ARHGEF1: variants seen among roughly 807,000 people sequenced by gnomAD.
ARHGEF1 encodes Rho guanine nucleotide exchange factor 1, also known as 115 kDa guanine nucleotide exchange factor.
ARHGEF1 carries 40 observed loss-of-function variants against 119.7 expected under a neutral mutation model. The observed-to-expected ratio is 0.33, with a 90% confidence interval of 0.26 to 0.44. The LOEUF (loss-of-function observed/expected upper bound fraction) is 0.44, where lower values mean the gene tolerates loss of function less well. Among genes scored for constraint, ARHGEF1 ranks in the 20% least tolerant of loss-of-function variants. ARHGEF1 has a pLI of 1.00. For missense variants in ARHGEF1, 976 were observed against 1,268.3 expected (o/e 0.77, Z 3.50); for synonymous variants, 494 against 521.0 (o/e 0.95, Z 0.71).
intron 12 of ARHGEF1, among the ~76,000 whole-genome samples, chr19:41,895,687 G>C (rs1052873374): frequency 6.6e-6 from 1 of 152,050 alleles, no homozygotes; most frequent in African/African-American, 2.4e-5. Flanking sequence ...CCACAGCTTT[G>C]CTCCCAGGCT....
intron 1 of ARHGEF1, among the ~76,000 whole-genome samples, chr19:41,927,780 C>G (rs1415569770): frequency 6.6e-6 from 1 of 152,158 alleles, no homozygotes; most frequent in Non-Finnish European, 1.5e-5. Context: ...CTCTCACTCG[C>G]TCTCCCTCCC....
At chr19:41,929,675 G>C (rs542276331) in exon 3 of ARHGEF1, 1 of 146,768 alleles carries the variant, frequency 6.8e-6, no homozygotes, top group South Asian at 2.1e-4. Flanking sequence ...GCCCCGCCAA[G>C]TCCCACACCA....
In ARHGEF1 at chr19:41,903,921, T is replaced by C. The variant is rs2074646849; in HGVS notation, c.1918-114T>C. On this transcript the variant is annotated intron_variant, in intron 20 of 28. Transcript: ENST00000354532. This position sits in a 1 kb window ranked among gnomAD's most constrained non-coding sequence, Gnocchi z 4.2. The stretch of plus-strand genomic sequence containing the variant: ...AGCTCTGTCCCCCACCTCATGCCAA[T>C]CCCATGATCCCCAGCCTGTGGTCAT... The C allele has an allele frequency of 7.4e-7, 1 of 1,353,268 alleles. No homozygotes were observed. Among genetic ancestry groups the C allele is most frequent in the Non-Finnish European group, 1.0e-6 (1 of 961,494 alleles). The allele number at this position is 1,353,268 out of a possible 1,614,324, so 83.8% of individuals were successfully genotyped here.
At position 41,903,787 on chromosome 19, in the gene ARHGEF1, G is replaced by A. The variant is rs561111395; in HGVS notation, c.1917+3G>A. The A allele has an allele frequency of 9.9e-6, 16 of 1,612,914 alleles. No homozygotes were observed. The South Asian group carries it at 1.3e-4, about 13-fold the overall frequency. On this transcript the variant is annotated splice_donor_region_variant and intron_variant, in intron 20 of 28. Coordinates refer to ENST00000354532, the MANE Select transcript of ARHGEF1 (RefSeq NM_004706.4). The surrounding 1 kb of genome is among the most constrained non-coding windows in gnomAD (Gnocchi z 4.2). Reference sequence around the variant, plus strand: ...ACCCTATGCTGAGCGAGTTCAAGGTGTGACCATACCCTCCTGCCTCCCCCG... The same window carrying A: ...ACCCTATGCTGAGCGAGTTCAAGGTATGACCATACCCTCCTGCCTCCCCCG...
Position 41,906,386 on chromosome 19 carries a change from G to T in ARHGEF1, c.2492-71G>T. On this transcript the variant is annotated intron_variant, in intron 26 of 28. Transcript: ENST00000354532. The surrounding 1 kb of genome is among the most constrained non-coding windows in gnomAD (Gnocchi z 4.5). ...CCTCCAGCCCCTACACATCCCCTTT[G>T]GAATCCCCCATCCCAGATCCCAGCC... 6.9e-7 allele frequency: 1 copy of T among 1,454,918 alleles called. No individual in the cohort carries two copies. The highest frequency in any genetic ancestry group is 9.2e-7 in the Non-Finnish European group (1 of 1,086,166). 90.1% of individuals were successfully genotyped at this position (1,454,918 alleles called of 1,614,324 possible).
intron 14 of ARHGEF1, 22 bp downstream of exon 14, chr19:41,898,609 C>G (rs2074550806): frequency 6.3e-7 from 1 of 1,577,388 alleles, no homozygotes; most frequent in Non-Finnish European, 8.6e-7. Context: ...CCCCATCACC[C>G]CACTGTGGCC....
At chr19:41,907,581 T>C, downstream of ARHGEF1, 1 of 633,132 alleles carries the variant, frequency 1.6e-6, no homozygotes, top group South Asian at 2.1e-5. Context: ...CATTCATTCA[T>C]TTCTTTGTTT....
At chr19:41,908,345 GTCC>G, downstream of ARHGEF1, 2 of 1,231,474 alleles carry the variant, frequency 1.6e-6, no homozygotes, top group Non-Finnish European at 2.0e-6. This position sits in a 1 kb window ranked among gnomAD's most constrained non-coding sequence, Gnocchi z 6.7. Context: ...CCGAGTCGCT[GTCC>G]TCCTTCCCAC....
chr19:41,908,133 C>T (rs1442052091), downstream of ARHGEF1: 5 of 1,026,112 alleles, frequency 4.9e-6, no homozygotes, highest in Non-Finnish European at 6.2e-6. The surrounding 1 kb of genome is among the most constrained non-coding windows in gnomAD (Gnocchi z 6.7). Flanking sequence ...CTGGGAGGTG[C>T]TGAGGGCTGG....
At chr19:41,909,175 G>C (rs1245390756), downstream of ARHGEF1, 1 of 1,231,782 alleles carries the variant, frequency 8.1e-7, no homozygotes, top group Non-Finnish European at 1.0e-6. This position sits in a 1 kb window ranked among gnomAD's most constrained non-coding sequence, Gnocchi z 5.2. Context: ...GGGTTTGCAG[G>C]GTCTAGAGAG....
In ARHGEF1 at chr19:41,905,325, C is replaced by T; in HGVS notation, c.2336+64C>T. 7.1e-7 allele frequency: 1 copy of T among 1,411,390 alleles called. No homozygotes were observed. The highest frequency in any genetic ancestry group is 1.3e-5 in the South Asian group (1 of 78,652). The allele number at this position is 1,411,390 out of a possible 1,614,324, so 87.4% of individuals were successfully genotyped here. A position where few individuals can be genotyped will look rare whatever the true frequency, so the allele number is the denominator to read the frequency against. ...TGGGGCCGGAAGGCGGGGCAGGCTT[C>T]CCTCCACAACTCCAGAACCGTCTCT... On this transcript the variant is annotated intron_variant, in intron 24 of 28. Transcript: ENST00000354532. This position sits in a 1 kb window ranked among gnomAD's most constrained non-coding sequence, Gnocchi z 6.4.
In ARHGEF1 at chr19:41,904,430, G is replaced by C; in HGVS notation, c.2161+47G>C. 1 of 1,498,792 alleles carries C rather than the reference G, an allele frequency of 6.7e-7. No homozygotes were observed. The highest frequency in any genetic ancestry group is 8.9e-7 in the Non-Finnish European group (1 of 1,123,652). 92.8% of individuals were successfully genotyped at this position (1,498,792 alleles called of 1,614,324 possible). On this transcript the variant is annotated intron_variant, in intron 22 of 28. Coordinates refer to ENST00000354532, the MANE Select transcript of ARHGEF1 (RefSeq NM_004706.4). The surrounding 1 kb of genome is among the most constrained non-coding windows in gnomAD (Gnocchi z 8.4). Reference sequence around the variant, plus strand: ...CCCAGGGCAGAGGGTGTCTTTTTTGGGCAGAGCTGCCTGTGGAGTGGGGAG... The same window carrying C: ...CCCAGGGCAGAGGGTGTCTTTTTTGCGCAGAGCTGCCTGTGGAGTGGGGAG...
intron 1 of ARHGEF1, among the ~76,000 whole-genome samples, chr19:41,924,793 A>G (rs1023316799): frequency 4.6e-5 from 7 of 152,108 alleles, no homozygotes; most frequent in Non-Finnish European, 8.8e-5. Context: ...CCTCGAGGAG[A>G]GAGCTGGTCA....
chr19:41,920,918 CCTCT>C (rs797031699), upstream of ARHGEF1, among the ~76,000 whole-genome samples: 41 of 152,342 alleles, frequency 2.7e-4, no homozygotes, highest in African/African-American at 8.2e-4. Context: ...TCTGTCTCTC[CCTCT>C]CTGTCTCTGT....
At chr19:41,910,830 C>T (rs2074747584), downstream of ARHGEF1, among the ~76,000 whole-genome samples, 1 of 152,170 alleles carries the variant, frequency 6.6e-6, no homozygotes, top group Non-Finnish European at 1.5e-5. The surrounding 1 kb of genome is among the most constrained non-coding windows in gnomAD (Gnocchi z 4.4). Flanking sequence ...CGGAGTGCCA[C>T]ACTCATGCTG....
rs2074689120 is a variant in ARHGEF1, at chr19:41,906,016, C to G, written c.2482C>G (p.Leu828Val). The change falls in exon 26 of 29, where the codon CTT becomes GTT. Residue 828 changes from leucine to valine, a missense_variant. Coordinates refer to ENST00000354532, the MANE Select transcript of ARHGEF1 (RefSeq NM_004706.4). This position sits in a 1 kb window ranked among gnomAD's most constrained non-coding sequence, Gnocchi z 4.5. ...CGAGGGCCAGCTCGCTGCCACGGCC[C>G]TTCGGAAAGGTAGCCCAGCTCTGCC... ...GPEGQLAATA[L>V]RKVLSLKQLL... 6.2e-7 allele frequency: 1 copy of G among 1,613,848 alleles called. No individual in the cohort carries two copies. The highest frequency in any genetic ancestry group is 1.3e-5 in the African/African-American group (1 of 74,916).
chr19:41,896,439 T>A lies in ARHGEF1; in HGVS notation c.1078T>A (p.Leu360Met). 6.8e-7 allele frequency: 1 copy of A among 1,479,878 alleles called. No homozygotes were observed. Among genetic ancestry groups the A allele is most frequent in the Non-Finnish European group, 9.0e-7 (1 of 1,116,344 alleles). 91.7% of individuals were successfully genotyped at this position (1,479,878 alleles called of 1,614,324 possible). A position where few individuals can be genotyped will look rare whatever the true frequency, so the allele number is the denominator to read the frequency against. The part of the protein sequence containing the change: ...SPQGPMSLES[L>M]APPESTDEGA... ...GCAGGGCCCAATGAGCCTGGAGTCC[T>A]TGGCGCCCCCAGAGAGTACCGACGA... Residue 360 changes from leucine to methionine, a missense_variant, in exon 13 of 29, where the codon TTG becomes ATG. Physicochemically the swap from Leu to Met is conservative, Grantham distance 15. Around this residue, in one of 3 missense-constraint regions of ARHGEF1, gnomAD observed 519 missense variants for 580.9 expected, o/e 0.89. Transcript: ENST00000354532.
At chr19:41,908,688 A>G, downstream of ARHGEF1, 1 of 1,227,914 alleles carries the variant, frequency 8.1e-7, no homozygotes, top group Non-Finnish European at 1.0e-6. This position sits in a 1 kb window ranked among gnomAD's most constrained non-coding sequence, Gnocchi z 6.7. Flanking sequence ...TGGGGGGCAC[A>G]GGGGTAGGTC....
intron 18 of ARHGEF1, among the ~76,000 whole-genome samples, chr19:41,913,259 T>TCACG (rs1555851418): frequency 2.7e-5 from 4 of 150,388 alleles, no homozygotes; most frequent in African/African-American, 9.8e-5. Flanking sequence ...TCGCTGGCTC[T>TCACG]CACGCCCGCC....
Sources: gnomAD v4.1 joint callset for allele counts (sites outside exome capture counted in the v4.1 genomes callset) on GRCh38, gnomAD v4.1.1 for gene constraint, gnomAD v4.1.1 regional missense constraint, Gnocchi (gnomAD v3.1) non-coding constraint, MANE v1.5 for transcripts, NCBI Gene and HGNC (gene_info 2026-07-23, HGNC 2026-07-21) for gene names.